The following TPX2 variants were observed in gnomAD, a reference collection of about 807,000 sequenced individuals.
TPX2 encodes targeting protein for Xklp2.
Under a neutral mutation model 93.6 loss-of-function variants are expected in TPX2, and 21 were observed. The observed-to-expected ratio is 0.22, with a 90% CI of 0.16 to 0.32. The LOEUF (loss-of-function observed/expected upper bound fraction) is 0.32, where lower values mean the gene tolerates loss of function less well. TPX2 is among the 10% of genes least tolerant of loss of function. The pLI is 1.00. For synonymous variants in TPX2, 281 were observed against 298.3 expected (o/e 0.94, Z 0.60); for missense variants, 776 against 871.1 (o/e 0.89, Z 1.37).
At chr20:31,754,583 T>C (rs1310384090) in intron 2 of TPX2, among the ~76,000 whole-genome samples, 10 of 152,258 alleles carry the variant, frequency 6.6e-5, no homozygotes, top group African/African-American at 2.2e-4. Flanking sequence ...CCTGGTAATG[T>C]AAGTGGGTGT....
At chr20:31,792,283 C>T (rs1022466910) in intron 12 of TPX2, among the ~76,000 whole-genome samples, 9 of 152,070 alleles carry the variant, frequency 5.9e-5, no homozygotes, top group Non-Finnish European at 1.2e-4. Context: ...CACTTGAGCC[C>T]AGGAGGCAGA....
Position 31,757,431 on chromosome 20 carries a change from T to C in TPX2, c.-46T>C. 1 of 1,502,552 alleles carries C rather than the reference T, an allele frequency of 6.7e-7. No individual in the cohort carries two copies. Among genetic ancestry groups the C allele is most frequent in the Non-Finnish European group, 9.2e-7 (1 of 1,081,844 alleles). 93.1% of individuals were successfully genotyped at this position (1,502,552 alleles called of 1,614,324 possible). On this transcript the variant is annotated 5_prime_UTR_variant, in exon 3 of 18. Coordinates refer to ENST00000300403, the MANE Select transcript of TPX2 (RefSeq NM_012112.5). ...GAAGGTGACCTGCTGAGAAAAGTGG[T>C]ACAAATACTGGGAAAAACCTGCTCT...
chr20:31,742,100 G>T (rs879482448), intron 1 of TPX2, among the ~76,000 whole-genome samples: 3 of 151,572 alleles, frequency 2.0e-5, no homozygotes, highest in Non-Finnish European at 4.4e-5. Context: ...GTATAAAATT[G>T]TATCTAGAGG....
chr20:31,798,214 T>G, intron 16 of TPX2, 151 bp from the exon 17 acceptor site: 1 of 921,690 alleles, frequency 1.1e-6, no homozygotes, highest in Non-Finnish European at 1.6e-6. Context: ...ACTTTTTGTA[T>G]TTAGTTGGCT....
intron 4 of TPX2, among the ~76,000 whole-genome samples, chr20:31,762,459 C>T (rs1449498877): frequency 6.6e-6 from 1 of 152,138 alleles, no homozygotes; most frequent in Non-Finnish European, 1.5e-5. Flanking sequence ...AAGTGATCCT[C>T]CTGCCCCAAC....
At chr20:31,751,328 C>T (rs1468288355) in intron 2 of TPX2, among the ~76,000 whole-genome samples, 2 of 152,044 alleles carry the variant, frequency 1.3e-5, no homozygotes, top group Non-Finnish European at 2.9e-5. Context: ...TCATTACATT[C>T]ATGCCTGGGA....
chr20:31,757,645 T>C (rs1008919601), intron 3 of TPX2, 63 bp downstream of exon 3: 50 of 1,288,814 alleles, frequency 3.9e-5, no homozygotes, highest in Non-Finnish European at 5.1e-5. Context: ...TGAAGACCTT[T>C]CAATAATAGA....
intron 12 of TPX2, among the ~76,000 whole-genome samples, chr20:31,787,121 G>A (rs1423764809): frequency 6.6e-6 from 1 of 151,156 alleles, no homozygotes; most frequent in Non-Finnish European, 1.5e-5. Flanking sequence ...AGTACTTTAT[G>A]TAGATTGTCT....
chr20:31,743,356 G>C (rs1448530855), intron 2 of TPX2, among the ~76,000 whole-genome samples: 1 of 152,178 alleles, frequency 6.6e-6, no homozygotes, highest in South Asian at 2.1e-4. Flanking sequence ...TATGTAAATA[G>C]TTGTTATACT....
intron 2 of TPX2, among the ~76,000 whole-genome samples, chr20:31,755,299 G>T (rs1457592579): frequency 6.6e-6 from 1 of 150,984 alleles, no homozygotes; most frequent in African/African-American, 2.4e-5. Context: ...GGCCAGGCTG[G>T]TCTCAAACTC....
intron 2 of TPX2, among the ~76,000 whole-genome samples, chr20:31,751,126 G>A (rs1173936591): frequency 1.3e-5 from 2 of 152,100 alleles, no homozygotes; most frequent in East Asian, 3.9e-4. Flanking sequence ...TTCGAGTCTA[G>A]CCTGAGCAAC....
At chr20:31,793,727 G>T (rs2062117136) in intron 13 of TPX2, 121 bp from the exon 14 acceptor site, 6 of 978,660 alleles carry the variant, frequency 6.1e-6, no homozygotes, top group Non-Finnish European at 8.7e-6. Context: ...AGGAAGCTAA[G>T]ACTTCCTTTA....
Position 31,757,491 on chromosome 20 carries a change from A to G in TPX2, c.15A>G (p.Lys5=), listed in dbSNP as rs1266436637. 2 of 1,613,904 alleles carry G rather than the reference A, an allele frequency of 1.2e-6. No homozygotes were observed. The highest frequency in any genetic ancestry group is 4.5e-5 in the East Asian group (2 of 44,854). ...AGTGGGAGACAATGTCACAAGTTAA[A>G]AGCTCTTATTCCTATGATGCCCCCT... MSQV[K]SSYSYDAPSD... Residue 5 remains lysine, a synonymous_variant, in exon 3 of 18, where the codon AAA becomes AAG. Coordinates refer to ENST00000300403, the MANE Select transcript of TPX2 (RefSeq NM_012112.5).
At chr20:31,745,732 G>A (rs2061780460) in intron 2 of TPX2, among the ~76,000 whole-genome samples, 1 of 152,144 alleles carries the variant, frequency 6.6e-6, no homozygotes, top group African/African-American at 2.4e-5. Context: ...TATTTGACTA[G>A]GATTGTAATC....
intron 7 of TPX2, among the ~76,000 whole-genome samples, chr20:31,772,894 T>C (rs1400015822): frequency 6.6e-6 from 1 of 152,094 alleles, no homozygotes. Flanking sequence ...CCACAGGGTA[T>C]GACCAGTTTT....
chr20:31,747,797 C>T (rs1357705156), intron 2 of TPX2, among the ~76,000 whole-genome samples: 11 of 132,802 alleles, frequency 8.3e-5, no homozygotes, highest in Non-Finnish European at 1.5e-4. Context: ...TTTGGTGAGA[C>T]CTGTTGACAG....
intron 2 of TPX2, among the ~76,000 whole-genome samples, chr20:31,743,371 T>G (rs2061764609): frequency 6.6e-6 from 1 of 152,142 alleles, no homozygotes; most frequent in African/African-American, 2.4e-5. Flanking sequence ...TATACTGTAT[T>G]GTTTAGGGAA....
intron 3 of TPX2, 146 bp downstream of exon 3, chr20:31,757,728 G>A: frequency 3.2e-6 from 2 of 634,502 alleles, no homozygotes; most frequent in Non-Finnish European, 5.4e-6. Context: ...ATGATATTAT[G>A]GGAATAATTG....
rs2123040504 is a variant in TPX2, at chr20:31,776,157, T to G, written c.730+169T>G. ...CTGCAGTGGCGCAATCTCGGCTCAC[T>G]GCAAGCTCCGCTTCCCAGGTTCACG... is the stretch of plus-strand genomic sequence containing the variant. On this transcript the variant is annotated intron_variant, in intron 8 of 17. Coordinates refer to ENST00000300403, the MANE Select transcript of TPX2 (RefSeq NM_012112.5). Among the ~76,000 whole-genome samples, 2 of 142,354 alleles carry G rather than the reference T, an allele frequency of 1.4e-5. 1 individual carries two copies. The highest frequency in any genetic ancestry group is 4.8e-4 in the South Asian group (2 of 4,132). 93.4% of individuals were successfully genotyped at this position (142,354 alleles called of 152,430 possible). A position where few individuals can be genotyped will look rare whatever the true frequency, so the allele number is the denominator to read the frequency against.
Sources: allele counts gnomAD v4.1 joint callset (sites outside exome capture counted in the v4.1 genomes callset), GRCh38; gene constraint gnomAD v4.1.1; transcripts MANE v1.5; gene names NCBI Gene and HGNC (gene_info 2026-07-23, HGNC 2026-07-21).